TGM7: variants seen among roughly 807,000 people sequenced by gnomAD.
TGM7 encodes the protein transglutaminase 7.
TGM7 carries 74 observed loss-of-function variants against 79.5 expected under a neutral mutation model. That is an observed-to-expected ratio of 0.93 (90% CI 0.77 to 1.13). TGM7 has a LOEUF of 1.13. Ranked by LOEUF, TGM7 falls within the 50% of genes most tolerant of loss-of-function variation. TGM7 has a pLI of 0.00. For synonymous variants in TGM7, 354 were observed against 362.5 expected (o/e 0.98, Z 0.27); for missense variants, 912 against 905.9 (o/e 1.01, Z -0.09).
intron 4 of TGM7, among the ~76,000 whole-genome samples, chr15:43,288,242 C>A (rs1412184176): frequency 6.6e-6 from 1 of 152,162 alleles, no homozygotes; most frequent in African/African-American, 2.4e-5. Flanking sequence ...GCTTTGGCTG[C>A]CAAATGCACA....
At chr15:43,276,830 G>C in intron 12 of TGM7, 32 bp downstream of exon 12, 1 of 1,609,016 alleles carries the variant, frequency 6.2e-7, no homozygotes, top group African/African-American at 1.3e-5. Context: ...CCTGAGACCA[G>C]CAAGGGGGAG....
chr15:43,279,169 G>C lies in TGM7; in HGVS notation c.1787C>G (p.Ser596Cys). 6.2e-7 allele frequency: 1 copy of C among 1,614,120 alleles called. No homozygotes were observed. Among genetic ancestry groups the C allele is most frequent in the East Asian group, 2.2e-5 (1 of 44,874 alleles). The change falls in exon 11 of 13, where the codon TCC becomes TGC. Residue 596 changes from serine to cysteine, a missense_variant. Ser to Cys is a moderately radical substitution (Grantham distance 112). Coordinates refer to ENST00000452443, the MANE Select transcript of TGM7 (RefSeq NM_052955.3). Reference protein sequence around the residue: ...GIAEVEETGRSMLVLKDICLE... With the variant: ...GIAEVEETGRCMLVLKDICLE... ...ACAGATATCTTTTAGGACCAGCATG[G>C]ACCTCCCTGTCTCTTCAACCTCCGC...
At position 43,279,266 on chromosome 15, in the gene TGM7, G is replaced by T. The variant is rs1286692116; in HGVS notation, c.1690C>A (p.Pro564Thr). ...TAATTGCTGTAGGGCAGGAGGAGCG[G>T]CCACTGTGTCTCTAAGCACATACAA... ...NLDFGKETQW[P>T]LLLPYSNYRN... Residue 564 changes from proline (P) to threonine (T), a missense_variant, in exon 11 of 13, where the codon CCG becomes ACG. Coordinates refer to ENST00000452443, the MANE Select transcript of TGM7 (RefSeq NM_052955.3). The T allele has an allele frequency of 6.2e-7, 1 of 1,613,978 alleles. No individual in the cohort carries two copies. The highest frequency in any genetic ancestry group is 1.7e-4 in the Middle Eastern group (1 of 6,032).
intron 7 of TGM7, among the ~76,000 whole-genome samples, chr15:43,283,309 A>T (rs762974474): frequency 6.6e-6 from 1 of 152,144 alleles, no homozygotes; most frequent in Non-Finnish European, 1.5e-5. Flanking sequence ...AGTTGACCTA[A>T]TGATGTTGTT....
chr15:43,294,406 G>A (rs2042982264), intron 1 of TGM7, among the ~76,000 whole-genome samples: 1 of 152,222 alleles, frequency 6.6e-6, no homozygotes, highest in Admixed American at 6.5e-5. Flanking sequence ...TGGGCTGTGA[G>A]ACCTCGAGCA....
intron 4 of TGM7, among the ~76,000 whole-genome samples, chr15:43,288,220 G>T (rs1490002177): frequency 6.6e-6 from 1 of 152,202 alleles, no homozygotes; most frequent in Non-Finnish European, 1.5e-5. Context: ...CGTGCACAAT[G>T]TTTGTCACAA....
chr15:43,297,110 A>T (rs2042999650), intron 1 of TGM7, among the ~76,000 whole-genome samples: 1 of 152,170 alleles, frequency 6.6e-6, no homozygotes. Flanking sequence ...TAATACAAAG[A>T]CAAGGGTATA....
chr15:43,302,045 C>T lies in TGM7; in HGVS notation c.10+196G>A, dbSNP rs117741245. On this transcript the variant is annotated intron_variant, in intron 1 of 12. Transcript: ENST00000452443. ...CTGTTCACAGCTTCAGAAAAGAAAA[C>T]GAATGGCTGTAGGATTTGTGCCCCA... 4.1e-3 allele frequency: 2,630 copies of T among 641,484 alleles called. 13 individuals are homozygous for T. The highest frequency in any genetic ancestry group is 6.1e-3 in the Non-Finnish European group (2,214 of 362,154). 39.7% of individuals were successfully genotyped at this position (641,484 alleles called of 1,614,324 possible).
chr15:43,279,938 C>T lies in TGM7; in HGVS notation c.1365G>A (p.Glu455=), dbSNP rs1183125329. 19 of 1,613,730 alleles carry T rather than the reference C, an allele frequency of 1.2e-5. No homozygotes were observed. The highest frequency in any genetic ancestry group is 2.2e-5 in the South Asian group (2 of 91,066). ...SYKYPEGSPE[E]RAVFMKASRK... ...GAGAAGCCTTCATGAAGACAGCTCTCTCCTCAGGGGATCCTGCAGAAGGGA... is the reference window on the plus strand; with the variant it reads ...GAGAAGCCTTCATGAAGACAGCTCTTTCCTCAGGGGATCCTGCAGAAGGGA... The change falls in exon 10 of 13, where the codon GAG becomes GAA. Residue 455 remains glutamate, a synonymous_variant. Transcript: ENST00000452443.
intron 1 of TGM7, among the ~76,000 whole-genome samples, chr15:43,298,455 A>G (rs1362410868): frequency 3.3e-5 from 5 of 152,180 alleles, no homozygotes; most frequent in African/African-American, 1.2e-4. Context: ...ATCAATATTT[A>G]TTACAAAATA....
At chr15:43,290,281 A>G (rs1001266924) in intron 4 of TGM7, among the ~76,000 whole-genome samples, 2 of 152,144 alleles carry the variant, frequency 1.3e-5, no homozygotes, top group African/African-American at 4.8e-5. Context: ...CTTTCTACAT[A>G]TGGCTAGCCA....
chr15:43,284,858 G>A lies in TGM7; in HGVS notation c.960C>T (p.Asp320=). The part of the protein sequence containing the change: ...DRNLTIDTYY[D]RNAEMLSTQK... ...GAGTTGACAGCATCTCGGCATTTCG[G>A]TCATAGTACGTATCGATGGTCAAGT... Residue 320 remains aspartate (D), a synonymous_variant, in exon 7 of 13, where the codon GAC becomes GAT. Transcript: ENST00000452443. 1 of 1,614,144 alleles carries A rather than the reference G, an allele frequency of 6.2e-7. No homozygotes were observed. Among genetic ancestry groups the A allele is most frequent in the Non-Finnish European group, 8.5e-7 (1 of 1,180,014 alleles).
intron 8 of TGM7, 152 bp from the exon 9 acceptor site, chr15:43,282,238 A>C: frequency 8.4e-7 from 1 of 1,189,690 alleles, no homozygotes. Context: ...AATTCATCTG[A>C]CCCTCACAGC....
At chr15:43,294,933 C>T (rs1029629699) in intron 1 of TGM7, among the ~76,000 whole-genome samples, 1 of 151,704 alleles carries the variant, frequency 6.6e-6, no homozygotes, top group Non-Finnish European at 1.5e-5. Flanking sequence ...GGGTCTCACT[C>T]TGCAGCCCGG....
chr15:43,280,531 G>A (rs931675849), intron 9 of TGM7, among the ~76,000 whole-genome samples: 1 of 152,152 alleles, frequency 6.6e-6, no homozygotes, highest in African/African-American at 2.4e-5. Context: ...GGTGAGGCAG[G>A]AGAATAGCTT....
chr15:43,293,395 TAA>T, intron 2 of TGM7, 52 bp downstream of exon 2: 3 of 1,534,160 alleles, frequency 2.0e-6, no homozygotes, highest in Non-Finnish European at 2.6e-6. Flanking sequence ...GCAGACTCTG[TAA>T]ATGCCCTCAT....
intron 7 of TGM7, among the ~76,000 whole-genome samples, chr15:43,283,281 C>G (rs2042918737): frequency 6.6e-6 from 1 of 152,160 alleles, no homozygotes; most frequent in Non-Finnish European, 1.5e-5. Context: ...AATTTACTGT[C>G]TATATTTTAA....
Position 43,276,905 on chromosome 15 carries a change from C to T in TGM7, c.1930G>A (p.Val644Met). 1 of 1,614,154 alleles carries T rather than the reference C, an allele frequency of 6.2e-7. No individual in the cohort carries two copies. Among genetic ancestry groups the T allele is most frequent in the Non-Finnish European group, 8.5e-7 (1 of 1,180,038 alleles). Residue 644 changes from valine to methionine, a missense_variant, in exon 12 of 13, where the codon GTG (valine) becomes ATG (methionine). Physicochemically the swap from Val to Met is conservative, Grantham distance 21. Transcript: ENST00000452443. ...LMVALSSCTM[V>M]LEGSGLINGQ... ...TTGATGAGGCCGCTTCCTTCCAGCA[C>T]CATCGTGCAGCTGCTCAGAGCCACC...
At chr15:43,288,515 A>T (rs191011086) in intron 4 of TGM7, among the ~76,000 whole-genome samples, 1 of 152,140 alleles carries the variant, frequency 6.6e-6, no homozygotes, top group Non-Finnish European at 1.5e-5. Context: ...TTTCCGTTAC[A>T]ATCATGTATT....
Sources: gnomAD v4.1 joint callset for allele counts (sites outside exome capture counted in the v4.1 genomes callset) on GRCh38, gnomAD v4.1.1 for gene constraint, MANE v1.5 for transcripts, NCBI Gene and HGNC (gene_info 2026-07-23, HGNC 2026-07-21) for gene names.